The following GABRB2 variants were observed in gnomAD, a reference collection of about 807,000 sequenced individuals.
The protein encoded by GABRB2 is gamma-aminobutyric acid type A receptor subunit beta2, also known as gamma-aminobutyric acid receptor subunit beta-2.
GABRB2 carries 16 observed loss-of-function variants against 54.7 expected under a neutral mutation model. The observed-to-expected ratio is 0.29, with a 90% confidence interval of 0.20 to 0.44. The LOEUF (loss-of-function observed/expected upper bound fraction) is 0.44. Among genes scored for constraint, GABRB2 ranks in the 20% least tolerant of loss-of-function variants. The pLI, the probability that GABRB2 is intolerant of heterozygous loss-of-function variation, is 1.00. For missense variants in GABRB2, 355 were observed against 644.0 expected (o/e 0.55, Z 4.86); for synonymous variants, 244 against 233.8 (o/e 1.04, Z -0.40).
intron 5 of GABRB2, among the ~76,000 whole-genome samples, chr5:161,376,716 A>C (rs1043350561): frequency 6.6e-6 from 1 of 152,138 alleles, no homozygotes; most frequent in Non-Finnish European, 1.5e-5. Flanking sequence ...AATACACTGA[A>C]TGTTCATAAA....
chr5:161,361,009 C>G (rs1221032305), intron 5 of GABRB2, among the ~76,000 whole-genome samples: 1 of 151,246 alleles, frequency 6.6e-6, no homozygotes, highest in Non-Finnish European at 1.5e-5. Flanking sequence ...GACCCCGTCT[C>G]TAATAAAAAA....
intron 5 of GABRB2, among the ~76,000 whole-genome samples, chr5:161,352,234 C>A (rs1399747895): frequency 6.6e-6 from 1 of 151,872 alleles, no homozygotes; most frequent in Non-Finnish European, 1.5e-5. Context: ...ATTAGTATGA[C>A]AACAAAATAC....
At position 161,439,458 on chromosome 5, in the gene GABRB2, T is replaced by TA. The variant is rs200697341; in HGVS notation, c.458+20165dup. Among the ~76,000 whole-genome samples the TA allele has an allele frequency of 4.7e-3, 702 of 150,326 alleles. 4 individuals are homozygous for TA. The highest frequency in any genetic ancestry group is 0.016 in the African/African-American group (662 of 40,872). On this transcript the variant is annotated intron_variant, in intron 4 of 9. Transcript: ENST00000393959. Reference sequence around the variant, plus strand: ...TGAGCAATAAATGATCACCTTAAGGTAAAAAAAACTCACTGATAATAGAAA... The same window carrying TA: ...TGAGCAATAAATGATCACCTTAAGGTAAAAAAAAACTCACTGATAATAGAAA...
intron 9 of GABRB2, among the ~76,000 whole-genome samples, chr5:161,304,516 T>G (rs1757625014): frequency 6.6e-6 from 1 of 152,190 alleles, no homozygotes; most frequent in Non-Finnish European, 1.5e-5. Context: ...ACCCTTTGGA[T>G]TAGAAATTCT....
chr5:161,529,495 G>A (rs1361714318), intron 3 of GABRB2, among the ~76,000 whole-genome samples: 2 of 151,966 alleles, frequency 1.3e-5, no homozygotes, highest in African/African-American at 2.4e-5. Context: ...AGCATAGGAG[G>A]TTTGTATTGT....
At chr5:161,504,505 A>G (rs1369901839) in intron 3 of GABRB2, among the ~76,000 whole-genome samples, 2 of 152,168 alleles carry the variant, frequency 1.3e-5, no homozygotes, top group Non-Finnish European at 2.9e-5. Flanking sequence ...TTTGAACTCA[A>G]TAATAAAACA....
intron 3 of GABRB2, among the ~76,000 whole-genome samples, chr5:161,474,880 C>T (rs1031537356): frequency 6.6e-6 from 1 of 151,842 alleles, no homozygotes; most frequent in Non-Finnish European, 1.5e-5. Flanking sequence ...AATTTTATAT[C>T]CCTAGGCCAA....
chr5:161,365,308 C>T (rs904619679), intron 5 of GABRB2, among the ~76,000 whole-genome samples: 2 of 152,046 alleles, frequency 1.3e-5, no homozygotes, highest in African/African-American at 2.4e-5. Context: ...ATCTTTAGTC[C>T]GTATTAAGTT....
intron 5 of GABRB2, among the ~76,000 whole-genome samples, chr5:161,361,540 A>T (rs988163430): frequency 6.6e-6 from 1 of 152,112 alleles, no homozygotes; most frequent in Admixed American, 6.6e-5. Flanking sequence ...TATATTTTCT[A>T]TTTCTGTATA....
At chr5:161,428,452 T>G (rs1485410063) in intron 4 of GABRB2, among the ~76,000 whole-genome samples, 1 of 152,122 alleles carries the variant, frequency 6.6e-6, no homozygotes, top group Non-Finnish European at 1.5e-5. Context: ...CTTTGACCTA[T>G]ATCTCCTCAT....
intron 4 of GABRB2, among the ~76,000 whole-genome samples, chr5:161,446,500 C>T (rs1757618374): frequency 6.6e-6 from 1 of 152,068 alleles, no homozygotes; most frequent in African/African-American, 2.4e-5. Flanking sequence ...CAACTGCATG[C>T]ATGGGGTCAT....
At position 161,509,680 on chromosome 5, in the gene GABRB2, G is replaced by A. The variant is rs112213939; in HGVS notation, c.237+35547C>T. On this transcript the variant is annotated intron_variant, in intron 3 of 9. Transcript: ENST00000393959. ...ACCACCTTCAAGGAGTAATACTCGA[G>A]ATATTTTACACTTAGAATGAGATGC... is the stretch of plus-strand genomic sequence containing the variant. 1.2e-4 allele frequency among the ~76,000 whole-genome samples: 18 copies of A among 151,910 alleles called. 1 individual carries two copies. The highest frequency in any genetic ancestry group is 4.3e-4 in the African/African-American group (18 of 41,504).
At chr5:161,442,459 A>T (rs1768856665) in intron 4 of GABRB2, among the ~76,000 whole-genome samples, 1 of 152,228 alleles carries the variant, frequency 6.6e-6, no homozygotes. Flanking sequence ...GCCTGTAGCC[A>T]TATGGAAAAC....
At chr5:161,374,867 A>G (rs894663725) in intron 5 of GABRB2, among the ~76,000 whole-genome samples, 5 of 152,128 alleles carry the variant, frequency 3.3e-5, no homozygotes, top group African/African-American at 1.2e-4. Context: ...TAAGCCCAAT[A>G]ATTTTTTTAA....
intron 4 of GABRB2, among the ~76,000 whole-genome samples, chr5:161,428,309 GT>G (rs1757071334): frequency 6.6e-6 from 1 of 151,884 alleles, no homozygotes; most frequent in Non-Finnish European, 1.5e-5. Context: ...GTGTGTGTGT[GT>G]GTGTGTGTGT....
chr5:161,316,366 A>T (rs988705207), intron 9 of GABRB2, among the ~76,000 whole-genome samples: 1 of 152,192 alleles, frequency 6.6e-6, no homozygotes, highest in African/African-American at 2.4e-5. Context: ...GGAAAAAAAA[A>T]ATATTAGAGG....
chr5:161,373,823 C>G (rs1257407283), intron 5 of GABRB2, among the ~76,000 whole-genome samples: 1 of 152,176 alleles, frequency 6.6e-6, no homozygotes, highest in Non-Finnish European at 1.5e-5. Context: ...AGTCTTTATT[C>G]TCTAAACCAC....
At chr5:161,448,925 G>A (rs753868323) in intron 4 of GABRB2, among the ~76,000 whole-genome samples, 3 of 152,144 alleles carry the variant, frequency 2.0e-5, no homozygotes, top group Non-Finnish European at 4.4e-5. Flanking sequence ...AGTCCATATT[G>A]TGGAGTCTTG....
At chr5:161,529,887 A>C (rs936647275) in intron 3 of GABRB2, among the ~76,000 whole-genome samples, 1 of 152,112 alleles carries the variant, frequency 6.6e-6, no homozygotes, top group Admixed American at 6.6e-5. Context: ...ACACATTCTT[A>C]CATGGTAAGT....
Sources: allele counts gnomAD v4.1 joint callset (sites outside exome capture counted in the v4.1 genomes callset), GRCh38; gene constraint gnomAD v4.1.1; transcripts MANE v1.5; gene names NCBI Gene and HGNC (gene_info 2026-07-23, HGNC 2026-07-21).